The following GABRG3 variants were observed in gnomAD, a reference collection of about 807,000 sequenced individuals.
GABRG3 encodes the protein gamma-aminobutyric acid receptor subunit gamma-3.
GABRG3 carries 25 observed loss-of-function variants against 48.8 expected under a neutral mutation model. The observed-to-expected ratio is 0.51, with a 90% CI of 0.37 to 0.72. The LOEUF is 0.72. Ranked by LOEUF, GABRG3 falls within the 30% of genes least tolerant of loss-of-function variation. The probability of loss-of-function intolerance (pLI) is 0.00; values close to 1 mark genes in which losing one functional copy is unlikely to be tolerated. For synonymous variants in GABRG3, 227 were observed against 217.6 expected (o/e 1.04, Z -0.38); for missense variants, 394 against 577.9 (o/e 0.68, Z 3.26).
chr15:27,246,935 A>G (rs1009722250), intron 3 of GABRG3, among the ~76,000 whole-genome samples: 9 of 152,162 alleles, frequency 5.9e-5, no homozygotes, highest in Non-Finnish European at 1.5e-5. Flanking sequence ...GTGTGTTCAT[A>G]TTTGAATAAA....
chr15:27,248,570 C>T (rs1890336329), intron 3 of GABRG3, among the ~76,000 whole-genome samples: 1 of 152,082 alleles, frequency 6.6e-6, no homozygotes, highest in African/African-American at 2.4e-5. Context: ...AAGTATTTTC[C>T]AACATCCCAT....
intron 3 of GABRG3, among the ~76,000 whole-genome samples, chr15:27,270,983 AG>A (rs1891066518): frequency 6.6e-6 from 1 of 152,220 alleles, no homozygotes; most frequent in African/African-American, 2.4e-5. Flanking sequence ...GTGGCCAGGA[AG>A]AAACAGTAGA....
intron 3 of GABRG3, among the ~76,000 whole-genome samples, chr15:27,246,003 A>G (rs1320132278): frequency 1.3e-5 from 2 of 152,164 alleles, no homozygotes; most frequent in Admixed American, 1.3e-4. Context: ...GATGAATCTC[A>G]TGGCAAGAAA....
rs116192823 is a variant in GABRG3, at chr15:27,478,911, A to G, written c.575-1739A>G. 3.0e-3 allele frequency among the ~76,000 whole-genome samples: 457 copies of G among 152,326 alleles called. 3 individuals are homozygous for G. The highest frequency in any genetic ancestry group is 0.01 in the African/African-American group (433 of 41,582). ...CTATTTACAGAAGGTCACATATCGT[A>G]TGATCCCATTTATATAAAATGTCCA... On this transcript the variant is annotated intron_variant, in intron 5 of 9. Coordinates refer to ENST00000615808, the MANE Select transcript of GABRG3 (RefSeq NM_033223.5).
At chr15:27,059,724 C>A (rs1158048756) in intron 3 of GABRG3, among the ~76,000 whole-genome samples, 1 of 152,146 alleles carries the variant, frequency 6.6e-6, no homozygotes, top group Non-Finnish European at 1.5e-5. Flanking sequence ...GGTTTCCTGC[C>A]ATGGGCATAG....
At chr15:27,145,891 T>A (rs1439727774) in intron 3 of GABRG3, among the ~76,000 whole-genome samples, 2 of 151,882 alleles carry the variant, frequency 1.3e-5, no homozygotes, top group African/African-American at 4.8e-5. Flanking sequence ...GTACAAGGGA[T>A]CCTCAGTAAG....
At chr15:27,092,418 T>A (rs1697367182) in intron 3 of GABRG3, among the ~76,000 whole-genome samples, 1 of 152,212 alleles carries the variant, frequency 6.6e-6, no homozygotes, top group African/African-American at 2.4e-5. Flanking sequence ...CTCTCTGCTC[T>A]CCTCTCCCAC....
In GABRG3 at chr15:27,329,680, C is replaced by T. The variant is rs532122871; in HGVS notation, c.574+792C>T. On this transcript the variant is annotated intron_variant, in intron 5 of 9. Transcript: ENST00000615808. The stretch of plus-strand genomic sequence containing the variant: ...ACCATTGTAAGATGATTTAATTTTT[C>T]GTAGTATTTTATCTTCCAACATTTT... Among the ~76,000 whole-genome samples, 11 of 152,212 alleles carry T rather than the reference C, an allele frequency of 7.2e-5. No homozygotes were observed. The South Asian group carries it at 1.0e-3, about 14-fold the overall frequency.
chr15:27,524,949 C>T (rs3101639), intron 7 of GABRG3, among the ~76,000 whole-genome samples: 84,657 of 151,796 alleles, frequency 0.56, 23,736 homozygotes, highest in East Asian at 0.67. Context: ...AAAGCATGAT[C>T]CAACTACAAT....
chr15:27,266,650 T>C (rs1890930390), intron 3 of GABRG3, among the ~76,000 whole-genome samples: 1 of 152,226 alleles, frequency 6.6e-6, no homozygotes, highest in South Asian at 2.1e-4. Context: ...TTGAGTCTTC[T>C]GACATACAAA....
At chr15:27,284,455 G>A (rs1595637620) in intron 3 of GABRG3, among the ~76,000 whole-genome samples, 2 of 152,136 alleles carry the variant, frequency 1.3e-5, no homozygotes, top group African/African-American at 2.4e-5. Context: ...ATCTATATAC[G>A]TAAGAATACC....
At chr15:27,132,673 T>A (rs917863885) in intron 3 of GABRG3, among the ~76,000 whole-genome samples, 1 of 151,450 alleles carries the variant, frequency 6.6e-6, no homozygotes, top group Non-Finnish European at 1.5e-5. Flanking sequence ...CTTTTGGTGC[T>A]GAGTTTAGTT....
At chr15:27,306,653 T>C (rs566042195) in intron 3 of GABRG3, among the ~76,000 whole-genome samples, 29 of 61,104 alleles carry the variant, frequency 4.7e-4, no homozygotes, top group Non-Finnish European at 8.3e-4. Context: ...TATAAACATA[T>C]ATATGAACAT....
chr15:27,235,686 T>C (rs1261799615), intron 3 of GABRG3, among the ~76,000 whole-genome samples: 2 of 152,156 alleles, frequency 1.3e-5, no homozygotes, highest in African/African-American at 2.4e-5. Flanking sequence ...ATGCCTCCTG[T>C]ATACATGGGC....
intron 5 of GABRG3, among the ~76,000 whole-genome samples, chr15:27,372,635 T>C (rs1404885057): frequency 6.6e-6 from 1 of 152,164 alleles, no homozygotes; most frequent in Non-Finnish European, 1.5e-5. Context: ...CAAGTGATCC[T>C]CTTGCCTTGG....
At position 27,388,066 on chromosome 15, in the gene GABRG3, T is replaced by A. The variant is rs901823166; in HGVS notation, c.574+59178T>A. On this transcript the variant is annotated intron_variant, in intron 5 of 9. Coordinates refer to ENST00000615808, the MANE Select transcript of GABRG3 (RefSeq NM_033223.5). Reference sequence around the variant, plus strand: ...AAGGAAGGAAAGGTGGGAGGGAGGGTAAGGAAGGAAGGAAGGAAAGGAGGG... The same window carrying A: ...AAGGAAGGAAAGGTGGGAGGGAGGGAAAGGAAGGAAGGAAGGAAAGGAGGG... 9.4e-3 allele frequency among the ~76,000 whole-genome samples: 235 copies of A among 24,896 alleles called. 1 individual carries two copies. Among genetic ancestry groups the A allele is most frequent in the African/African-American group, 0.044 (205 of 4,702 alleles). 16.3% of individuals were successfully genotyped at this position (24,896 alleles called of 152,430 possible).
At chr15:27,189,221 G>A (rs1225974163) in intron 3 of GABRG3, among the ~76,000 whole-genome samples, 1 of 151,340 alleles carries the variant, frequency 6.6e-6, no homozygotes, top group Non-Finnish European at 1.5e-5. Flanking sequence ...GCTCTTTTTT[G>A]GTTCCATATG....
intron 3 of GABRG3, among the ~76,000 whole-genome samples, chr15:27,196,599 G>A (rs1888503929): frequency 6.6e-6 from 1 of 152,190 alleles, no homozygotes; most frequent in Non-Finnish European, 1.5e-5. Context: ...TTTATAGGAA[G>A]ACCTTATTAT....
At chr15:27,390,309 G>A (rs1422181115) in intron 5 of GABRG3, among the ~76,000 whole-genome samples, 1 of 152,094 alleles carries the variant, frequency 6.6e-6, no homozygotes, top group African/African-American at 2.4e-5. Flanking sequence ...GAAATACGTG[G>A]TAAACTGTGA....
Sources: allele counts gnomAD v4.1 joint callset (sites outside exome capture counted in the v4.1 genomes callset), GRCh38; gene constraint gnomAD v4.1.1; transcripts MANE v1.5; gene names NCBI Gene and HGNC (gene_info 2026-07-23, HGNC 2026-07-21).